Variants in ESRRB observed in about 807,000 individuals in gnomAD.
ESRRB encodes steroid hormone receptor ERR2.
A neutral mutation model predicts 46.0 loss-of-function variants in ESRRB; 16 were observed. The ratio of observed to expected loss-of-function variants is 0.35; its 90% CI spans 0.24 to 0.53. The LOEUF is 0.53. Among genes scored for constraint, ESRRB ranks in the 20% least tolerant of loss-of-function variants. The pLI is 0.93. For missense variants in ESRRB, 488 were observed against 607.4 expected (o/e 0.80, Z 2.07); for synonymous variants, 246 against 259.6 (o/e 0.95, Z 0.50).
At chr14:76,335,057 C>A (rs1385981809) in intron 1 of ESRRB, among the ~76,000 whole-genome samples, 2 of 152,148 alleles carry the variant, frequency 1.3e-5, no homozygotes, top group African/African-American at 4.8e-5. Context: ...TTGGCCAGCC[C>A]CTCTCTGATG....
intron 5 of ESRRB, among the ~76,000 whole-genome samples, chr14:76,484,528 G>T (rs1325048371): frequency 6.6e-6 from 1 of 152,134 alleles, no homozygotes; most frequent in Non-Finnish European, 1.5e-5. Context: ...CCTGTTCCAG[G>T]TTGAACAGAT....
chr14:76,466,527 A>T (rs1228808732), intron 3 of ESRRB, among the ~76,000 whole-genome samples: 1 of 152,092 alleles, frequency 6.6e-6, no homozygotes, highest in Non-Finnish European at 1.5e-5. Context: ...TCCCTGGAAC[A>T]TCCAGAGCAG....
At chr14:76,412,411 A>G (rs1886482720) in intron 1 of ESRRB, among the ~76,000 whole-genome samples, 2 of 152,164 alleles carry the variant, frequency 1.3e-5, no homozygotes, top group Non-Finnish European at 2.9e-5. Flanking sequence ...GTCTTGTGGG[A>G]ACCAGTGGGC....
chr14:76,445,684 CTTTTTTTT>C (rs940535821), intron 2 of ESRRB, among the ~76,000 whole-genome samples: 3 of 130,674 alleles, frequency 2.3e-5, no homozygotes, highest in Non-Finnish European at 4.9e-5. Context: ...CTCCACCAAT[CTTTTTTTT>C]TTTTTTTTTT....
intron 1 of ESRRB, among the ~76,000 whole-genome samples, chr14:76,316,217 C>G (rs1417327699): frequency 6.6e-6 from 1 of 152,228 alleles, no homozygotes; most frequent in African/African-American, 2.4e-5. Flanking sequence ...CGTGGGATGT[C>G]TGCAGTCCTG....
At chr14:76,408,867 C>T (rs1021234011) in intron 1 of ESRRB, among the ~76,000 whole-genome samples, 1 of 152,098 alleles carries the variant, frequency 6.6e-6, no homozygotes, top group African/African-American at 2.4e-5. Context: ...TTCCATTGAG[C>T]GCTTCATTTC....
chr14:76,340,004 C>T (rs986635657), intron 1 of ESRRB, among the ~76,000 whole-genome samples: 3 of 151,982 alleles, frequency 2.0e-5, no homozygotes, highest in African/African-American at 4.8e-5. Context: ...TAGACACGTC[C>T]GAGAGGGCAG....
chr14:76,339,999 A>G (rs1884173045), intron 1 of ESRRB, among the ~76,000 whole-genome samples: 1 of 151,960 alleles, frequency 6.6e-6, no homozygotes, highest in Admixed American at 6.6e-5. Flanking sequence ...TTAATTAGAC[A>G]CGTCCGAGAG....
intron 5 of ESRRB, among the ~76,000 whole-genome samples, chr14:76,488,668 T>C (rs1890107190): frequency 6.6e-6 from 1 of 152,180 alleles, no homozygotes; most frequent in South Asian, 2.1e-4. Flanking sequence ...GCTCAGTGTC[T>C]GTGCACCCTG....
intron 1 of ESRRB, among the ~76,000 whole-genome samples, chr14:76,412,220 G>A (rs187010937): frequency 1.3e-5 from 2 of 152,308 alleles, no homozygotes; most frequent in East Asian, 3.9e-4. Context: ...TGAGAACAGA[G>A]GCATCAATTG....
chr14:76,440,386 T>C (rs1348817966), intron 2 of ESRRB, among the ~76,000 whole-genome samples: 3 of 152,144 alleles, frequency 2.0e-5, no homozygotes, highest in African/African-American at 7.2e-5. Context: ...TGACCTGTGA[T>C]GGCACCACTG....
chr14:76,357,131 C>A (rs1001752049), intron 1 of ESRRB, among the ~76,000 whole-genome samples: 6 of 141,554 alleles, frequency 4.2e-5, no homozygotes, highest in Admixed American at 7.9e-5. Context: ...TACTAGCATC[C>A]ACCACTCCTG....
chr14:76,400,870 G>A (rs60263302), intron 1 of ESRRB, among the ~76,000 whole-genome samples: 1 of 152,206 alleles, frequency 6.6e-6, no homozygotes, highest in South Asian at 2.1e-4. Context: ...GCTCTGTGCA[G>A]AGGGCAGCTG....
intron 1 of ESRRB, among the ~76,000 whole-genome samples, chr14:76,377,787 G>T (rs11621905): frequency 6.6e-6 from 1 of 152,048 alleles, no homozygotes; most frequent in Non-Finnish European, 1.5e-5. Context: ...GGTGCACCCC[G>T]CTTGAGAGAG....
intron 1 of ESRRB, among the ~76,000 whole-genome samples, chr14:76,387,055 C>T (rs181287815): frequency 2.6e-3 from 389 of 152,298 alleles, no homozygotes; most frequent in African/African-American, 9.0e-3. Context: ...TCCCTACCTC[C>T]CCACACAAGG....
intron 1 of ESRRB, among the ~76,000 whole-genome samples, chr14:76,315,399 G>C (rs552575787): frequency 6.6e-6 from 1 of 152,090 alleles, no homozygotes; most frequent in African/African-American, 2.4e-5. Flanking sequence ...CGTGCTCTAC[G>C]GACAGTAGAG....
At chr14:76,385,050 A>G (rs1193704706) in intron 1 of ESRRB, among the ~76,000 whole-genome samples, 5 of 152,082 alleles carry the variant, frequency 3.3e-5, no homozygotes, top group African/African-American at 7.2e-5. Flanking sequence ...GAATCCATCA[A>G]TGCTTCTGTT....
intron 1 of ESRRB, among the ~76,000 whole-genome samples, chr14:76,382,450 C>A (rs1253855232): frequency 1.3e-5 from 2 of 152,128 alleles, no homozygotes; most frequent in Non-Finnish European, 2.9e-5. Flanking sequence ...TGGGGCAGAC[C>A]CCAGAGAGGG....
At chr14:76,366,756 T>C (rs1884526942), upstream of ESRRB, among the ~76,000 whole-genome samples, 1 of 152,138 alleles carries the variant, frequency 6.6e-6, no homozygotes, top group Non-Finnish European at 1.5e-5. Context: ...TTCTACCGCT[T>C]GGCTTTAGAT....
Sources: gnomAD v4.1 joint callset for allele counts (sites outside exome capture counted in the v4.1 genomes callset) on GRCh38, gnomAD v4.1.1 for gene constraint, MANE v1.5 for transcripts, NCBI Gene and HGNC (gene_info 2026-07-23, HGNC 2026-07-21) for gene names.